The following NCBP3 variants were observed in gnomAD, a reference collection of about 807,000 sequenced individuals.
NCBP3 encodes the protein nuclear cap-binding protein subunit 3.
A neutral mutation model predicts 75.7 loss-of-function variants in NCBP3; 20 were observed. That is an observed-to-expected ratio of 0.26 (90% CI 0.19 to 0.38). The LOEUF is 0.38. NCBP3 is among the 10% of genes least tolerant of loss of function. NCBP3 has a pLI of 1.00. For synonymous variants in NCBP3, 293 were observed against 290.5 expected, an observed-to-expected ratio of 1.01 and a Z score of -0.09; for missense variants, 678 against 796.9, an observed-to-expected ratio of 0.85 and a Z score of 1.80.
chr17:3,840,160 G>A lies in NCBP3; in HGVS notation c.295C>T (p.Arg99Ter). The A allele has an allele frequency of 6.4e-7, 1 of 1,551,704 alleles. No individual in the cohort carries two copies. The highest frequency in any genetic ancestry group is 8.7e-7 in the Non-Finnish European group (1 of 1,147,006). Residue 99 changes from arginine to a stop codon, truncating the protein, a stop_gained, in exon 3 of 13, where the codon CGA (arginine) becomes TGA (stop). Transcript: ENST00000389005. LOFTEE classifies it high-confidence loss of function. ...KEQRAKRFHF[R>*]SEVNLAQRNV... ...CTTTGGGCAAGATTTACTTCCGATCGAAAATGGAAGCGCTTGGCTCGCTGC... is the reference window on the plus strand; with the variant it reads ...CTTTGGGCAAGATTTACTTCCGATCAAAAATGGAAGCGCTTGGCTCGCTGC...
At position 3,802,545 on chromosome 17, in the gene NCBP3, A is replaced by G. The variant is rs991071378; in HGVS notation, c.*10499T>C. 1 of 152,232 alleles carries G rather than the reference A, an allele frequency of 6.6e-6. No homozygotes were observed. Among genetic ancestry groups the G allele is most frequent in the Non-Finnish European group, 1.5e-5 (1 of 68,044 alleles). The allele number at this position is 152,232 out of a possible 1,614,324, so 9.4% of individuals were successfully genotyped here. The stretch of plus-strand genomic sequence containing the variant: ...TTCCAGGTCTGGTGGTTTTCCTGCC[A>G]GGTCATGATGAAACCATCCTACTTC... On this transcript the variant is annotated 3_prime_UTR_variant, in exon 13 of 13. Coordinates refer to ENST00000389005, the MANE Select transcript of NCBP3 (RefSeq NM_001114118.3).
rs2053288676 is a variant in NCBP3 at position 3,802,891 on chromosome 17, CA to C, written c.*10152del. 1 of 152,546 alleles carries C rather than the reference CA, an allele frequency of 6.6e-6. No individual in the cohort carries two copies. Among genetic ancestry groups the C allele is most frequent in the East Asian group, 1.9e-4 (1 of 5,190 alleles). The allele number at this position is 152,546 out of a possible 1,614,324, so 9.4% of individuals were successfully genotyped here. A position where few individuals can be genotyped will look rare whatever the true frequency, so the allele number is the denominator to read the frequency against. On this transcript the variant is annotated 3_prime_UTR_variant, in exon 13 of 13. Coordinates refer to ENST00000389005, the MANE Select transcript of NCBP3 (RefSeq NM_001114118.3). Reference sequence around the variant, plus strand: ...GGAAAGCTGATGACTGGGTGCTGGACAGGGAGCAGGGCCACTTCTGTACCTC... The same window carrying C: ...GGAAAGCTGATGACTGGGTGCTGGACGGGAGCAGGGCCACTTCTGTACCTC...
intron 4 of NCBP3, among the ~76,000 whole-genome samples, chr17:3,828,197 G>C (rs2053820674): frequency 6.6e-6 from 1 of 152,202 alleles, no homozygotes; most frequent in African/African-American, 2.4e-5. Flanking sequence ...GGGATTACAG[G>C]CCTGAGCCAC....
At chr17:3,845,418 G>C (rs575531871) in intron 1 of NCBP3, among the ~76,000 whole-genome samples, 27 of 152,232 alleles carry the variant, frequency 1.8e-4, no homozygotes, top group East Asian at 7.7e-4. Context: ...GTAAAGGAGG[G>C]ACCAAGGATG....
Position 3,831,816 on chromosome 17 carries a change from T to C in NCBP3, c.356-2448A>G, listed in dbSNP as rs1229158059. On this transcript the variant is annotated intron_variant, in intron 3 of 12. Coordinates refer to ENST00000389005, the MANE Select transcript of NCBP3 (RefSeq NM_001114118.3). ...CTGTTTAACAGCACAGTAGGGTGACTACAGTCAATAATAATTTAATTGTAA... is the reference window on the plus strand; with the variant it reads ...CTGTTTAACAGCACAGTAGGGTGACCACAGTCAATAATAATTTAATTGTAA... Among the ~76,000 whole-genome samples, 7 of 121,370 alleles carry C rather than the reference T, an allele frequency of 5.8e-5. 1 individual carries two copies. Among genetic ancestry groups the C allele is most frequent in the Admixed American group, 1.7e-4 (2 of 12,030 alleles). 79.6% of individuals were successfully genotyped at this position (121,370 alleles called of 152,430 possible).
intron 9 of NCBP3, among the ~76,000 whole-genome samples, chr17:3,819,806 A>C (rs1456305166): frequency 6.6e-6 from 1 of 152,232 alleles, no homozygotes; most frequent in Non-Finnish European, 1.5e-5. Flanking sequence ...GAAAAATGTA[A>C]GATGAACTCA....
intron 12 of NCBP3, among the ~76,000 whole-genome samples, chr17:3,813,735 T>A (rs566988529): frequency 6.6e-6 from 1 of 152,344 alleles, no homozygotes; most frequent in Non-Finnish European, 1.5e-5. Context: ...TATAAGGCAA[T>A]TCAAAGTTGT....
rs569692875 is a variant in NCBP3 at position 3,817,643 on chromosome 17, A to C, written c.1310+620T>G. 1.2e-4 allele frequency among the ~76,000 whole-genome samples: 18 copies of C among 152,286 alleles called. No individual in the cohort carries two copies. In the South Asian group the frequency reaches 3.1e-3, roughly 26 times the overall value. The stretch of plus-strand genomic sequence containing the variant: ...GACTCCGTCTCAAAAAAAAAATAAA[A>C]ACACACAAAAAACCCTTCTGGAAAA... On this transcript the variant is annotated intron_variant, in intron 10 of 12. Transcript: ENST00000389005.
rs28623368 is a variant in NCBP3 at position 3,819,200 on chromosome 17, G to C, written c.1001-628C>G. 1.3e-3 allele frequency among the ~76,000 whole-genome samples: 203 copies of C among 152,268 alleles called. 1 individual carries two copies. Among genetic ancestry groups the C allele is most frequent in the African/African-American group, 4.7e-3 (194 of 41,542 alleles). ...GTAAGGCATTCAGGCATGAGTTATA[G>C]GGCTACTGGCTGTGAACTCAATGTT... is the stretch of plus-strand genomic sequence containing the variant. On this transcript the variant is annotated intron_variant, in intron 9 of 12. Coordinates refer to ENST00000389005, the MANE Select transcript of NCBP3 (RefSeq NM_001114118.3).
Position 3,805,477 on chromosome 17 carries a change from C to T in NCBP3, c.*7567G>A. 6.6e-6 allele frequency: 1 copy of T among 152,296 alleles called. No homozygotes were observed. The highest frequency in any genetic ancestry group is 1.5e-5 in the Non-Finnish European group (1 of 68,044). 9.4% of individuals were successfully genotyped at this position (152,296 alleles called of 1,614,324 possible). On this transcript the variant is annotated 3_prime_UTR_variant, in exon 13 of 13. Coordinates refer to ENST00000389005, the MANE Select transcript of NCBP3 (RefSeq NM_001114118.3). ...TAATCCAGCAAGATTGGTGGCCTTA[C>T]AAGAGCCATGTGCAGGCACCAAGAA...
At chr17:3,821,117 A>T in intron 9 of NCBP3, 132 bp downstream of exon 9, 1 of 557,168 alleles carries the variant, frequency 1.8e-6, no homozygotes, top group African/African-American at 1.9e-5. Context: ...TTACTTTCCT[A>T]TATGTTGGCA....
intron 1 of NCBP3, among the ~76,000 whole-genome samples, chr17:3,845,180 T>G (rs182874300): frequency 1.2e-4 from 18 of 152,316 alleles, no homozygotes; most frequent in African/African-American, 4.3e-4. Flanking sequence ...GAATGGTAAA[T>G]GCTACTATAT....
chr17:3,836,871 C>T (rs1304792654), intron 3 of NCBP3, among the ~76,000 whole-genome samples: 1 of 152,066 alleles, frequency 6.6e-6, no homozygotes, highest in African/African-American at 2.4e-5. Flanking sequence ...GAAAAGATGG[C>T]CTGGCGCAAT....
Position 3,816,218 on chromosome 17 carries a change from C to T in NCBP3, c.1363G>A (p.Gly455Ser). The T allele has an allele frequency of 6.2e-7, 1 of 1,614,016 alleles. No homozygotes were observed. Among genetic ancestry groups the T allele is most frequent in the East Asian group, 2.2e-5 (1 of 44,874 alleles). The change falls in exon 11 of 13, where the codon GGT becomes AGT. Residue 455 changes from glycine (G) to serine (S), a missense_variant. By Grantham distance (56) the Gly-to-Ser change is moderately conservative (BLOSUM62 0). Around this residue, in one of 7 missense-constraint regions of NCBP3, gnomAD observed 365 missense variants for 392.7 expected, o/e 0.93. Transcript: ENST00000389005. ...VSSSNIKNRI[G>S]NKLPPEKFAD... ...AATTTCTCAGGTGGTAATTTGTTAC[C>T]AATTCGGTTTTTGATATTGCTTGAA...
At chr17:3,841,878 T>C (rs1392999265) in intron 2 of NCBP3, among the ~76,000 whole-genome samples, 1 of 151,872 alleles carries the variant, frequency 6.6e-6, no homozygotes, top group African/African-American at 2.4e-5. Flanking sequence ...CGAAATATAT[T>C]TTTATTTTTG....
Position 3,832,433 on chromosome 17 carries a change from A to T in NCBP3, c.356-3065T>A, listed in dbSNP as rs218714. 1.7e-5 allele frequency among the ~76,000 whole-genome samples: 2 copies of T among 117,236 alleles called. 1 individual carries two copies. Among genetic ancestry groups the T allele is most frequent in the Admixed American group, 1.7e-4 (2 of 11,654 alleles). 76.9% of individuals were successfully genotyped at this position (117,236 alleles called of 152,430 possible). A position where few individuals can be genotyped will look rare whatever the true frequency, so the allele number is the denominator to read the frequency against. The stretch of plus-strand genomic sequence containing the variant: ...CAGATCACAAGGTCAGATCGAGACC[A>T]TCCTGGCCAACACGGTGAAACCCCG... On this transcript the variant is annotated intron_variant, in intron 3 of 12. Coordinates refer to ENST00000389005, the MANE Select transcript of NCBP3 (RefSeq NM_001114118.3).
At position 3,834,832 on chromosome 17, in the gene NCBP3, C is replaced by CA. The variant is rs34968348; in HGVS notation, c.355+5267dup. On this transcript the variant is annotated intron_variant, in intron 3 of 12. Transcript: ENST00000389005. ...GCAAGCTCCAAGACTGTGGATGAAACAAAAAAAAAAAAGAAGAAAGCCACA... is the reference window on the plus strand; with the variant it reads ...GCAAGCTCCAAGACTGTGGATGAAACAAAAAAAAAAAAAGAAGAAAGCCACA... Among the ~76,000 whole-genome samples, 388 of 146,584 alleles carry CA rather than the reference C, an allele frequency of 2.6e-3. 3 individuals carry two copies. The highest frequency in any genetic ancestry group is 8.2e-3 in the African/African-American group (325 of 39,868).
rs1200491109 is a variant in NCBP3, at chr17:3,802,815, GAGA to G, written c.*10226_*10228del. 1 of 152,428 alleles carries G rather than the reference GAGA, an allele frequency of 6.6e-6. No individual in the cohort carries two copies. Among genetic ancestry groups the G allele is most frequent in the East Asian group, 1.9e-4 (1 of 5,210 alleles). The allele number at this position is 152,428 out of a possible 1,614,324, so 9.4% of individuals were successfully genotyped here. A position where few individuals can be genotyped will look rare whatever the true frequency, so the allele number is the denominator to read the frequency against. On this transcript the variant is annotated 3_prime_UTR_variant, in exon 13 of 13. Coordinates refer to ENST00000389005, the MANE Select transcript of NCBP3 (RefSeq NM_001114118.3). ...ACTGCAGCTCACTCGAGATTCCTGAGAGAAGACTTTGTGTTTGGAGTGTGAACG... is the reference window on the plus strand; with the variant it reads ...ACTGCAGCTCACTCGAGATTCCTGAGAGACTTTGTGTTTGGAGTGTGAACG...
chr17:3,818,720 A>T lies in NCBP3; in HGVS notation c.1001-148T>A. 1 of 836,028 alleles carries T rather than the reference A, an allele frequency of 1.2e-6. No homozygotes were observed. Among genetic ancestry groups the T allele is most frequent in the Non-Finnish European group, 1.9e-6 (1 of 539,454 alleles). The allele number at this position is 836,028 out of a possible 1,614,324, so 51.8% of individuals were successfully genotyped here. ...CTATCTATAATAGTGCCAAATGGAC[A>T]TTACTCTGATACTGCAACAGGAGGA... On this transcript the variant is annotated intron_variant, in intron 9 of 12. Coordinates refer to ENST00000389005, the MANE Select transcript of NCBP3 (RefSeq NM_001114118.3). This position sits in a 1 kb window ranked among gnomAD's most constrained non-coding sequence, Gnocchi z 4.7.
Sources: allele counts gnomAD v4.1 joint callset (sites outside exome capture counted in the v4.1 genomes callset), GRCh38; gene constraint gnomAD v4.1.1; regional missense constraint gnomAD v4.1.1; non-coding constraint Gnocchi (gnomAD v3.1); transcripts MANE v1.5; gene names NCBI Gene and HGNC (gene_info 2026-07-23, HGNC 2026-07-21).